MAML2: variants seen among roughly 807,000 people sequenced by gnomAD.
MAML2 encodes the protein mastermind-like protein 2.
MAML2 carries 22 observed loss-of-function variants against 96.1 expected under a neutral mutation model. That is an observed-to-expected ratio of 0.23 (90% CI 0.16 to 0.33). MAML2 has a LOEUF of 0.33. Among genes scored for constraint, MAML2 ranks in the 10% least tolerant of loss-of-function variants. The pLI, the probability that MAML2 is intolerant of heterozygous loss-of-function variation, is 1.00. For missense variants in MAML2, 1,367 were observed against 1,392.4 expected (o/e 0.98, Z 0.29); for synonymous variants, 561 against 521.3 (o/e 1.08, Z -1.04).
chr11:96,288,168 T>A (rs1454604047), intron 1 of MAML2, among the ~76,000 whole-genome samples: 1 of 152,126 alleles, frequency 6.6e-6, no homozygotes, highest in African/African-American at 2.4e-5. Context: ...TAGAAAAAAA[T>A]TAGATCTCAG....
chr11:96,004,245 A>AGC (rs1858142216), intron 2 of MAML2, among the ~76,000 whole-genome samples: 3 of 151,884 alleles, frequency 2.0e-5, no homozygotes, highest in African/African-American at 7.3e-5. Flanking sequence ...AATGAAGGCA[A>AGC]TTCAGTAAAT....
chr11:96,300,341 C>T (rs894419726), intron 1 of MAML2, among the ~76,000 whole-genome samples: 1 of 152,126 alleles, frequency 6.6e-6, no homozygotes, highest in Non-Finnish European at 1.5e-5. Flanking sequence ...CTGTCAGAGC[C>T]TGGAAGTGAC....
rs978435892 is a variant in MAML2, at chr11:96,003,878, T to C, written c.2140-12155A>G. ...AGTGATGGTAGCATAGTATTTATAG[T>C]AATACTAGTAATAAATCAACAAACA... is the stretch of plus-strand genomic sequence containing the variant. On this transcript the variant is annotated intron_variant, in intron 2 of 4. Transcript: ENST00000524717. Among the ~76,000 whole-genome samples the C allele has an allele frequency of 4.6e-5, 7 of 152,298 alleles. No individual in the cohort carries two copies. In the East Asian group the frequency reaches 1.3e-3, roughly 29 times the overall value.
intron 2 of MAML2, among the ~76,000 whole-genome samples, chr11:96,001,607 TC>T (rs1337337854): frequency 6.6e-6 from 1 of 150,908 alleles, no homozygotes; most frequent in African/African-American, 2.4e-5. Context: ...CCACAGATTA[TC>T]CATAGAGCTC....
rs541001245 is a variant in MAML2 at position 96,082,483 on chromosome 11, C to G, written c.2139+9409G>C. Among the ~76,000 whole-genome samples, 3 of 152,236 alleles carry G rather than the reference C, an allele frequency of 2.0e-5. No homozygotes were observed. The South Asian group carries it at 6.2e-4, about 32-fold the overall frequency. On this transcript the variant is annotated intron_variant, in intron 2 of 4. Transcript: ENST00000524717. ...CTGGGGTTCCAAGATACCAGCAGAACTGCCTAACAAAGTGGACAGGATGTT... is the reference window on the plus strand; with the variant it reads ...CTGGGGTTCCAAGATACCAGCAGAAGTGCCTAACAAAGTGGACAGGATGTT...
intron 1 of MAML2, among the ~76,000 whole-genome samples, chr11:96,118,962 C>T (rs1205445965): frequency 6.6e-6 from 1 of 152,064 alleles, no homozygotes; most frequent in Admixed American, 6.5e-5. Context: ...TTACTCTGAA[C>T]CCTCTGTCTC....
chr11:96,232,362 GA>G (rs1189882618), intron 1 of MAML2, among the ~76,000 whole-genome samples: 2 of 152,240 alleles, frequency 1.3e-5, no homozygotes, highest in African/African-American at 4.8e-5. Context: ...AGAGAATAAG[GA>G]TCACTGTGGT....
At chr11:96,063,899 T>G (rs1168082273) in intron 2 of MAML2, among the ~76,000 whole-genome samples, 1 of 152,226 alleles carries the variant, frequency 6.6e-6, no homozygotes, top group Non-Finnish European at 1.5e-5. Context: ...TCTGCAGGAC[T>G]AGAGTTCAAC....
chr11:96,327,670 C>T (rs528931351), intron 1 of MAML2, among the ~76,000 whole-genome samples: 106 of 151,898 alleles, frequency 7.0e-4, no homozygotes, highest in Admixed American at 6.9e-3. Flanking sequence ...CTGCCTGCTT[C>T]AGCCTCCCAA....
chr11:96,137,130 G>A (rs1034725436), intron 1 of MAML2, among the ~76,000 whole-genome samples: 2 of 152,184 alleles, frequency 1.3e-5, no homozygotes, highest in East Asian at 1.9e-4. Flanking sequence ...AAAACTGTAA[G>A]TGGAAACCGG....
intron 2 of MAML2, among the ~76,000 whole-genome samples, chr11:96,065,787 G>A (rs2135782868): frequency 6.6e-6 from 1 of 152,300 alleles, no homozygotes; most frequent in Non-Finnish European, 1.5e-5. Flanking sequence ...GCCAGGATTT[G>A]AACCAGAGCC....
Position 96,127,191 on chromosome 11 carries a change from T to A in MAML2, c.514-33674A>T, listed in dbSNP as rs142350204. Among the ~76,000 whole-genome samples the A allele has an allele frequency of 5.1e-3, 772 of 151,566 alleles. 4 individuals are homozygous for A. The highest frequency in any genetic ancestry group is 0.014 in the Middle Eastern group (4 of 294). ...ACTGGATGGGTGATTTGTTGAAGTG[T>A]GCACAAGGAAATCATGCTAACAGGT... On this transcript the variant is annotated intron_variant, in intron 1 of 4. Transcript: ENST00000524717.
intron 1 of MAML2, among the ~76,000 whole-genome samples, chr11:96,287,141 A>T (rs1055272135): frequency 2.0e-5 from 3 of 152,246 alleles, no homozygotes; most frequent in African/African-American, 7.2e-5. Context: ...TTGTCATCAG[A>T]TAGTTGTATA....
At chr11:96,310,203 T>C (rs488864) in intron 1 of MAML2, among the ~76,000 whole-genome samples, 118,813 of 152,100 alleles carry the variant, frequency 0.78, 46,766 homozygotes, top group African/African-American at 0.87. Context: ...AAAAAATAGC[T>C]AAAATGTTTT....
chr11:96,188,263 GTC>G (rs1354856765), intron 1 of MAML2, among the ~76,000 whole-genome samples: 2 of 152,166 alleles, frequency 1.3e-5, no homozygotes, highest in Non-Finnish European at 2.9e-5. Context: ...AGACATGAAA[GTC>G]TGATTTAAGC....
chr11:96,042,898 C>T (rs1393907123), intron 2 of MAML2, among the ~76,000 whole-genome samples: 1 of 152,050 alleles, frequency 6.6e-6, no homozygotes, highest in Non-Finnish European at 1.5e-5. Context: ...GCATGTACCA[C>T]CACACCCGGC....
At chr11:96,115,436 C>T (rs539770617) in intron 1 of MAML2, among the ~76,000 whole-genome samples, 4 of 150,340 alleles carry the variant, frequency 2.7e-5, no homozygotes, top group African/African-American at 4.9e-5. Context: ...TGAAGCACTG[C>T]GATTACAGAC....
chr11:96,104,526 C>T (rs2135825182), intron 1 of MAML2, among the ~76,000 whole-genome samples: 1 of 152,300 alleles, frequency 6.6e-6, no homozygotes, highest in East Asian at 1.9e-4. Flanking sequence ...TAGAGGGAGC[C>T]TGAAGTGGAA....
At chr11:96,066,081 C>G (rs1434448602) in intron 2 of MAML2, among the ~76,000 whole-genome samples, 1 of 152,192 alleles carries the variant, frequency 6.6e-6, no homozygotes, top group Admixed American at 6.5e-5. Context: ...CCTCTTATGG[C>G]TCTGGAGCTC....
Sources: allele counts gnomAD v4.1 joint callset (sites outside exome capture counted in the v4.1 genomes callset), GRCh38; gene constraint gnomAD v4.1.1; transcripts MANE v1.5; gene names NCBI Gene and HGNC (gene_info 2026-07-23, HGNC 2026-07-21).